The following CCDC3 variants were observed in gnomAD, a reference collection of about 807,000 sequenced individuals.
CCDC3 encodes coiled-coil domain-containing protein 3.
A neutral mutation model predicts 21.4 loss-of-function variants in CCDC3; 24 were observed. The observed-to-expected ratio is 1.12, with a 90% CI of 0.81 to 1.58. CCDC3 has a LOEUF of 1.58. Ranked by LOEUF, CCDC3 falls within the 40% of genes most tolerant of loss-of-function variation. The probability of loss-of-function intolerance (pLI) is 0.00; values close to 1 mark genes in which losing one functional copy is unlikely to be tolerated. For synonymous variants in CCDC3, 186 were observed against 166.0 expected (o/e 1.12, Z -0.93); for missense variants, 425 against 360.9 (o/e 1.18, Z -1.44).
At chr10:12,910,370 G>A (rs1039423626) in intron 2 of CCDC3, among the ~76,000 whole-genome samples, 2 of 152,104 alleles carry the variant, frequency 1.3e-5, no homozygotes, top group South Asian at 2.1e-4. Flanking sequence ...ATTCAATGTC[G>A]AATGCAGTTG....
chr10:12,943,622 C>T (rs913665467), intron 2 of CCDC3, among the ~76,000 whole-genome samples: 6 of 151,586 alleles, frequency 4.0e-5, no homozygotes, highest in Non-Finnish European at 1.5e-5. Flanking sequence ...AGGTAGAAAC[C>T]CCATCTGCAT....
intron 3 of CCDC3, among the ~76,000 whole-genome samples, chr10:13,089,601 C>T (rs1837154082): frequency 6.6e-6 from 1 of 152,056 alleles, no homozygotes; most frequent in Admixed American, 6.6e-5. Flanking sequence ...CTCTCCTCTC[C>T]AACTTTTTAT....
chr10:12,966,984 A>G lies in CCDC3; in HGVS notation c.549+31354T>C, dbSNP rs368576402. On this transcript the variant is annotated intron_variant, in intron 2 of 2. Transcript: ENST00000378825. ...ACTGTCCAGGGTAACAGCCTGTATC[A>G]TCTTCCAGATCTCTTTTGCTGGAGT... 5.3e-4 allele frequency among the ~76,000 whole-genome samples: 81 copies of G among 152,320 alleles called. 1 individual carries two copies. The highest frequency in any genetic ancestry group is 1.9e-3 in the African/African-American group (79 of 41,576).
chr10:12,999,461 C>G (rs532159188), intron 1 of CCDC3, among the ~76,000 whole-genome samples: 6 of 152,146 alleles, frequency 3.9e-5, no homozygotes, highest in Admixed American at 2.6e-4. Context: ...ACAGAAAACA[C>G]GTAGGGCTCA....
At chr10:13,008,500 C>A (rs1564318345) in intron 5 of CCDC3, among the ~76,000 whole-genome samples, 1 of 152,042 alleles carries the variant, frequency 6.6e-6, no homozygotes, top group Admixed American at 6.6e-5. Context: ...TAGTTACACA[C>A]AAGAGGTTGA....
At chr10:12,977,028 C>T (rs529447534) in intron 2 of CCDC3, among the ~76,000 whole-genome samples, 18 of 152,348 alleles carry the variant, frequency 1.2e-4, no homozygotes, top group East Asian at 3.9e-4. Flanking sequence ...AATCCCAGCA[C>T]TTTGGGAGGC....
Position 12,898,591 on chromosome 10 carries a change from C to A in CCDC3, c.638G>T (p.Arg213Leu). 1 of 1,614,218 alleles carries A rather than the reference C, an allele frequency of 6.2e-7. No homozygotes were observed. The highest frequency in any genetic ancestry group is 1.1e-5 in the South Asian group (1 of 91,090). The change falls in exon 3 of 3, where the codon CGC becomes CTC. Residue 213 changes from arginine (R) to leucine (L), a missense_variant. Transcript: ENST00000378825. ...LQQKVATLEK[R>L]NRQLRERVKK... ...CACTCGCTCCCGGAGCTGCCGGTTG[C>A]GCTTCTCCAGGGTGGCCACTTTCTG... is the stretch of plus-strand genomic sequence containing the variant.
intron 2 of CCDC3, among the ~76,000 whole-genome samples, chr10:12,982,555 A>C (rs1835515993): frequency 6.6e-6 from 1 of 151,846 alleles, no homozygotes; most frequent in Admixed American, 6.6e-5. Context: ...ACACTTTGGG[A>C]GGCCGAGGTG....
intron 4 of CCDC3, among the ~76,000 whole-genome samples, chr10:13,054,609 G>A (rs999998323): frequency 6.6e-6 from 1 of 152,088 alleles, no homozygotes; most frequent in African/African-American, 2.4e-5. Context: ...ATGCCGAGGG[G>A]AAAAGTTAAG....
chr10:12,922,646 T>C (rs1834469830), intron 2 of CCDC3, among the ~76,000 whole-genome samples: 2 of 151,980 alleles, frequency 1.3e-5, no homozygotes, highest in Admixed American at 6.6e-5. Flanking sequence ...CTCTGAAACA[T>C]GCTCTTCCCC....
chr10:13,093,224 T>C lies in CCDC3; in HGVS notation c.-503+5301A>G, dbSNP rs528370807. Among the ~76,000 whole-genome samples, 10 of 152,156 alleles carry C rather than the reference T, an allele frequency of 6.6e-5. No individual in the cohort carries two copies. The South Asian group carries it at 1.9e-3, about 28-fold the overall frequency. ...CGTGGCTGGGGAGGCCTCACAATCA[T>C]AGCGGAAGGCGAAAAGCACATCTTA... On this transcript the variant is annotated intron_variant, in intron 3 of 6. Transcript: ENST00000378839.
At chr10:12,923,881 T>C (rs1057472272) in intron 2 of CCDC3, among the ~76,000 whole-genome samples, 1 of 152,168 alleles carries the variant, frequency 6.6e-6, no homozygotes, top group Non-Finnish European at 1.5e-5. Flanking sequence ...CAAATATCGA[T>C]AAGGACATCT....
intron 5 of CCDC3, among the ~76,000 whole-genome samples, chr10:13,026,593 G>C (rs1836219810): frequency 1.3e-5 from 2 of 152,134 alleles, no homozygotes. Context: ...CATAGCAATA[G>C]AAAAGGCTTG....
At chr10:13,081,152 G>C (rs1837034979) in intron 3 of CCDC3, among the ~76,000 whole-genome samples, 1 of 139,184 alleles carries the variant, frequency 7.2e-6, no homozygotes, top group South Asian at 2.3e-4. Context: ...AAGACACTAG[G>C]AACTATAAAG....
At chr10:12,999,129 A>G (rs1051586499) in intron 1 of CCDC3, among the ~76,000 whole-genome samples, 1 of 152,188 alleles carries the variant, frequency 6.6e-6, no homozygotes, top group African/African-American at 2.4e-5. Flanking sequence ...AATCCCAGTT[A>G]CTCAGAAGGC....
At chr10:12,912,169 T>C (rs1564280437) in intron 2 of CCDC3, among the ~76,000 whole-genome samples, 2 of 152,206 alleles carry the variant, frequency 1.3e-5, no homozygotes, top group African/African-American at 2.4e-5. Flanking sequence ...GATTGCTGGA[T>C]CATACAGTAG....
intron 2 of CCDC3, among the ~76,000 whole-genome samples, chr10:12,904,183 T>C (rs949402634): frequency 1.3e-5 from 2 of 152,034 alleles, no homozygotes; most frequent in African/African-American, 4.8e-5. Context: ...ACTGGCTCAC[T>C]AGGCCGGGCA....
chr10:12,899,263 C>T (rs1425842180), intron 2 of CCDC3, among the ~76,000 whole-genome samples: 3 of 152,028 alleles, frequency 2.0e-5, no homozygotes, highest in African/African-American at 2.4e-5. Context: ...TAACCCCACT[C>T]ATAATAACAT....
At chr10:13,022,117 G>A (rs971020535) in intron 5 of CCDC3, among the ~76,000 whole-genome samples, 3 of 152,080 alleles carry the variant, frequency 2.0e-5, no homozygotes. Context: ...CAAGAGATGA[G>A]GAATGACTAA....
Sources: allele counts gnomAD v4.1 joint callset (sites outside exome capture counted in the v4.1 genomes callset), GRCh38; gene constraint gnomAD v4.1.1; transcripts MANE v1.5; gene names NCBI Gene and HGNC (gene_info 2026-07-23, HGNC 2026-07-21).